The following DENND1A variants were observed in gnomAD, a reference collection of about 807,000 sequenced individuals.
DENND1A encodes DENN domain-containing protein 1A.
Under a neutral mutation model 113.7 loss-of-function variants are expected in DENND1A, and 51 were observed. That is an observed-to-expected ratio of 0.45 (90% CI 0.36 to 0.57). The LOEUF (loss-of-function observed/expected upper bound fraction) is 0.57, where lower values mean the gene tolerates loss of function less well. DENND1A is among the 20% of genes least tolerant of loss of function. The pLI is 0.00. For synonymous variants in DENND1A, 565 were observed against 570.8 expected (o/e 0.99, Z 0.14); for missense variants, 1,258 against 1,395.9 (o/e 0.90, Z 1.57).
At chr9:123,481,253 T>G (rs1327638672) in intron 13 of DENND1A, among the ~76,000 whole-genome samples, 1 of 152,216 alleles carries the variant, frequency 6.6e-6, no homozygotes, top group Non-Finnish European at 1.5e-5. Context: ...GGCTAAAATA[T>G]GCATGTGTGA....
chr9:123,862,046 A>T (rs1312707946), intron 2 of DENND1A, among the ~76,000 whole-genome samples: 1 of 152,248 alleles, frequency 6.6e-6, no homozygotes, highest in Non-Finnish European at 1.5e-5. Flanking sequence ...CCAACCGCTA[A>T]GGAATGAACA....
At chr9:123,531,554 T>TCCAC (rs71490812) in intron 13 of DENND1A, among the ~76,000 whole-genome samples, 1 of 103,128 alleles carries the variant, frequency 9.7e-6, no homozygotes. Flanking sequence ...CCTCTCTCTC[T>TCCAC]ACACACACAC....
At chr9:123,557,156 G>A (rs746677656) in intron 13 of DENND1A, among the ~76,000 whole-genome samples, 5 of 152,176 alleles carry the variant, frequency 3.3e-5, no homozygotes, top group Non-Finnish European at 2.9e-5. Flanking sequence ...CAGGGGCTCC[G>A]GGGCCATCTG....
At position 123,440,460 on chromosome 9, in the gene DENND1A, G is replaced by T. The variant is rs772243080; in HGVS notation, c.1388C>A (p.Pro463Gln). The T allele has an allele frequency of 4.5e-6, 7 of 1,572,214 alleles. No individual in the cohort carries two copies. Among genetic ancestry groups the T allele is most frequent in the Non-Finnish European group, 6.0e-6 (7 of 1,167,126 alleles). Residue 463 changes from proline to glutamine, a missense_variant, in exon 19 of 24, where the codon CCA becomes CAA. Pro to Gln is a moderately conservative substitution (Grantham distance 76). Coordinates refer to ENST00000394215, the MANE Select transcript of DENND1A (RefSeq NM_001352964.2). ...TGCAGTCTTTGGCAGCTGCTCTTCT[G>T]GGGTGGGGGCGCAGCCATTCTCGGC... ...DIAENGCAPT[P>Q]EEQLPKTAPS...
chr9:123,903,699 C>T (rs1398897665), intron 1 of DENND1A, among the ~76,000 whole-genome samples: 1 of 152,228 alleles, frequency 6.6e-6, no homozygotes, highest in South Asian at 2.1e-4. Context: ...TATTATATCC[C>T]GCACCTGGCT....
intron 11 of DENND1A, among the ~76,000 whole-genome samples, chr9:123,603,620 TG>T (rs1211819730): frequency 6.6e-6 from 1 of 152,190 alleles, no homozygotes; most frequent in African/African-American, 2.4e-5. Context: ...GAGAAGCAGC[TG>T]GGGGCCCCCC....
rs118190254 is a variant in DENND1A at position 123,778,521 on chromosome 9, G to C, written c.133-8958C>G. Among the ~76,000 whole-genome samples, 77 of 152,262 alleles carry C rather than the reference G, an allele frequency of 5.1e-4. 2 individuals are homozygous for C. The East Asian group carries it at 0.013, about 27-fold the overall frequency. On this transcript the variant is annotated intron_variant, in intron 3 of 23. Coordinates refer to ENST00000394215, the MANE Select transcript of DENND1A (RefSeq NM_001352964.2). Reference sequence around the variant, plus strand: ...GTTTGAGCTTATCCTATGAAATTTTGGATTCCTTTCATGTGTAACTTATAA... The same window carrying C: ...GTTTGAGCTTATCCTATGAAATTTTCGATTCCTTTCATGTGTAACTTATAA...
At chr9:123,407,896 A>G (rs1588376487) in intron 20 of DENND1A, among the ~76,000 whole-genome samples, 1 of 152,248 alleles carries the variant, frequency 6.6e-6, no homozygotes, top group Non-Finnish European at 1.5e-5. Flanking sequence ...AAAGTGCTTC[A>G]CACGCAGGCC....
intron 1 of DENND1A, among the ~76,000 whole-genome samples, chr9:123,912,539 C>G (rs547110990): frequency 6.6e-6 from 1 of 152,200 alleles, no homozygotes; most frequent in South Asian, 2.1e-4. Flanking sequence ...CCCTGTCGTC[C>G]CACCCTCACC....
chr9:123,851,041 T>G (rs1255231021), intron 2 of DENND1A, among the ~76,000 whole-genome samples: 1 of 151,892 alleles, frequency 6.6e-6, no homozygotes. Flanking sequence ...AACACAAGAA[T>G]GAAAAAAAAA....
At chr9:123,914,544 C>CAAAAAAAAA (rs1290774207) in intron 1 of DENND1A, among the ~76,000 whole-genome samples, 1 of 65,258 alleles carries the variant, frequency 1.5e-5, no homozygotes, top group African/African-American at 4.7e-5. Context: ...GACTCCATCT[C>CAAAAAAAAA]AAAAAAAAAA....
chr9:123,540,659 G>A (rs1339526423), intron 13 of DENND1A, among the ~76,000 whole-genome samples: 3 of 152,218 alleles, frequency 2.0e-5, no homozygotes, highest in Non-Finnish European at 4.4e-5. Context: ...CTGGCAAGAT[G>A]CTTTCTGCAT....
chr9:123,924,066 A>G (rs1473824374), intron 1 of DENND1A, among the ~76,000 whole-genome samples: 1 of 152,258 alleles, frequency 6.6e-6, no homozygotes, highest in African/African-American at 2.4e-5. Flanking sequence ...GTATGTCCAT[A>G]CAATGGAATA....
intron 19 of DENND1A, among the ~76,000 whole-genome samples, chr9:123,415,156 G>C (rs1356280552): frequency 6.6e-6 from 1 of 152,202 alleles, no homozygotes; most frequent in Non-Finnish European, 1.5e-5. Context: ...ACGTGGTACA[G>C]ATGTCCTGGC....
intron 13 of DENND1A, among the ~76,000 whole-genome samples, chr9:123,504,005 A>G (rs2052706038): frequency 6.6e-6 from 1 of 152,192 alleles, no homozygotes; most frequent in Admixed American, 6.5e-5. Context: ...TTTGAAAAAC[A>G]TTGGCCATAC....
intron 19 of DENND1A, among the ~76,000 whole-genome samples, chr9:123,433,284 C>T (rs189806749): frequency 1.1e-3 from 175 of 152,260 alleles, no homozygotes; most frequent in African/African-American, 3.5e-3. Context: ...CAGAACTGCC[C>T]GATTCTAAAA....
At chr9:123,430,603 A>G (rs929917250) in intron 19 of DENND1A, among the ~76,000 whole-genome samples, 11 of 152,214 alleles carry the variant, frequency 7.2e-5, no homozygotes, top group Non-Finnish European at 1.5e-4. Flanking sequence ...ATTCTCACTT[A>G]CAAGTGGGAG....
At chr9:123,801,057 C>G (rs554757942) in intron 2 of DENND1A, among the ~76,000 whole-genome samples, 3 of 152,276 alleles carry the variant, frequency 2.0e-5, no homozygotes, top group East Asian at 1.9e-4. Flanking sequence ...CCTGTCTTCC[C>G]CACTCCACCC....
intron 4 of DENND1A, among the ~76,000 whole-genome samples, chr9:123,762,594 T>C (rs1010784862): frequency 2.6e-5 from 4 of 152,240 alleles, no homozygotes; most frequent in Non-Finnish European, 5.9e-5. Context: ...ACAACTACAC[T>C]GGGCACTGTA....
Sources: gnomAD v4.1 joint callset for allele counts (sites outside exome capture counted in the v4.1 genomes callset) on GRCh38, gnomAD v4.1.1 for gene constraint, MANE v1.5 for transcripts, NCBI Gene and HGNC (gene_info 2026-07-23, HGNC 2026-07-21) for gene names.